The following CLDN16 variants were observed in gnomAD, a reference collection of about 807,000 sequenced individuals.
CLDN16 encodes claudin-16.
A neutral mutation model predicts 24.6 loss-of-function variants in CLDN16; 13 were observed. That is an observed-to-expected ratio of 0.53 (90% CI 0.34 to 0.84). The LOEUF (loss-of-function observed/expected upper bound fraction) is 0.84, where lower values mean the gene tolerates loss of function less well. Ranked by LOEUF, CLDN16 falls within the 40% of genes least tolerant of loss-of-function variation. The pLI is 0.01. For synonymous variants in CLDN16, 116 were observed against 106.7 expected (o/e 1.09, Z -0.54); for missense variants, 298 against 292.7 (o/e 1.02, Z -0.13).
chr3:190,388,593 A>G (rs1049006828), intron 1 of CLDN16, 150 bp downstream of exon 1: 23 of 746,300 alleles, frequency 3.1e-5, no homozygotes, highest in African/African-American at 2.9e-4. Context: ...TTACATTATT[A>G]GCTCATTTAA....
intron 2 of CLDN16, chr3:190,371,016 T>TTATATATATATATA (rs141854157): frequency 1.0e-2 from 138 of 13,812 alleles, no homozygotes; most frequent in East Asian, 0.062. Flanking sequence ...GTTAATACCT[T>TTATATATATATATA]TATATATATA....
At chr3:190,320,011 A>C (rs1046945508), upstream of CLDN16, among the ~76,000 whole-genome samples, 1 of 152,232 alleles carries the variant, frequency 6.6e-6, no homozygotes, top group Non-Finnish European at 1.5e-5. Flanking sequence ...GCTTTAAGTA[A>C]AATAAAAGTG....
intron 1 of CLDN16, among the ~76,000 whole-genome samples, chr3:190,369,766 A>G (rs1718096452): frequency 6.6e-6 from 1 of 151,954 alleles, no homozygotes; most frequent in Non-Finnish European, 1.5e-5. Context: ...TTTAGGGAAA[A>G]CAGTGACTCA....
chr3:190,320,729 C>T (rs1299581432), upstream of CLDN16, among the ~76,000 whole-genome samples: 1 of 152,154 alleles, frequency 6.6e-6, no homozygotes, highest in East Asian at 1.9e-4. Flanking sequence ...TAAACTTGAA[C>T]AATGCCAACA....
intron 1 of CLDN16, among the ~76,000 whole-genome samples, chr3:190,397,040 T>C (rs1433249138): frequency 6.6e-6 from 1 of 152,158 alleles, no homozygotes; most frequent in Non-Finnish European, 1.5e-5. Context: ...TTGCCAGTTG[T>C]TGCTTTGTGA....
intron 1 of CLDN16, among the ~76,000 whole-genome samples, chr3:190,398,457 T>A (rs1718874784): frequency 1.3e-5 from 2 of 152,200 alleles, no homozygotes; most frequent in South Asian, 4.1e-4. Flanking sequence ...CTTTCTTTTG[T>A]CTGTTTCTCT....
chr3:190,297,828 C>T, the CLDN16 span, among the ~76,000 whole-genome samples: 1 of 147,742 alleles, frequency 6.8e-6, no homozygotes, highest in Admixed American at 6.8e-5. Context: ...TTACAAAGGA[C>T]ATTCACATAT....
At chr3:190,365,029 C>T (rs982628465) in intron 1 of CLDN16, among the ~76,000 whole-genome samples, 2 of 151,896 alleles carry the variant, frequency 1.3e-5, no homozygotes, top group South Asian at 4.1e-4. Flanking sequence ...GGAATTTGCT[C>T]TCAGCCCCCT....
At chr3:190,392,639 A>G (rs1718709903) in intron 1 of CLDN16, among the ~76,000 whole-genome samples, 1 of 152,180 alleles carries the variant, frequency 6.6e-6, no homozygotes, top group African/African-American at 2.4e-5. Context: ...GCTACCCAAA[A>G]GAAGAGATAT....
At chr3:190,395,516 A>G (rs1388067388) in intron 1 of CLDN16, among the ~76,000 whole-genome samples, 1 of 152,042 alleles carries the variant, frequency 6.6e-6, no homozygotes, top group African/African-American at 2.4e-5. Context: ...AATGCATTTT[A>G]TGTTAAAATT....
chr3:190,330,037 T>TC lies in CLDN16; in HGVS notation n.121+7382dup, dbSNP rs201805758. ...TATTGTAGAAGAAATATCTCAACCGTCCCCCCTCCACCAGCATCACTTAAT... is the reference window on the plus strand; with the variant it reads ...TATTGTAGAAGAAATATCTCAACCGTCCCCCCCTCCACCAGCATCACTTAAT... On this transcript the variant is annotated intron_variant and non_coding_transcript_variant, in intron 1 of 4. Transcript: ENST00000468220. Among the ~76,000 whole-genome samples the TC allele has an allele frequency of 4.1e-3, 611 of 150,082 alleles. 5 individuals are homozygous for TC. Among genetic ancestry groups the TC allele is most frequent in the African/African-American group, 6.4e-3 (259 of 40,674 alleles).
intron 1 of CLDN16, among the ~76,000 whole-genome samples, chr3:190,395,716 G>A (rs1718802411): frequency 6.6e-6 from 1 of 152,140 alleles, no homozygotes; most frequent in African/African-American, 2.4e-5. Context: ...ATTTGTATAT[G>A]CAAGGTGGTT....
chr3:190,340,462 A>G (rs1193460031), intron 1 of CLDN16, among the ~76,000 whole-genome samples: 2 of 152,170 alleles, frequency 1.3e-5, no homozygotes, highest in Non-Finnish European at 2.9e-5. Flanking sequence ...TTTTAAAACC[A>G]TCAAATCTCA....
the CLDN16 span, among the ~76,000 whole-genome samples, chr3:190,301,366 G>A: frequency 0.12 from 17,874 of 151,928 alleles, 1,386 homozygotes; most frequent in East Asian, 0.42. Flanking sequence ...GTGGTGGCTT[G>A]TGCCTGTAGT....
chr3:190,383,554 C>T (rs926170742), upstream of CLDN16, among the ~76,000 whole-genome samples: 1 of 152,128 alleles, frequency 6.6e-6, no homozygotes, highest in Non-Finnish European at 1.5e-5. Context: ...GAAGCGGTAT[C>T]TTTGTGCTTT....
chr3:190,354,287 T>C (rs1717724072), intron 1 of CLDN16, among the ~76,000 whole-genome samples: 1 of 152,044 alleles, frequency 6.6e-6, no homozygotes, highest in African/African-American at 2.4e-5. Flanking sequence ...TCAACCACAG[T>C]TTCTTTGCAG....
At chr3:190,345,831 C>T (rs3846102) in intron 1 of CLDN16, among the ~76,000 whole-genome samples, 100,502 of 152,048 alleles carry the variant, frequency 0.66, 34,834 homozygotes, top group East Asian at 0.93. Flanking sequence ...ATCCATCTGT[C>T]CCCTCCTTTA....
chr3:190,364,593 G>A (rs1250041702), intron 1 of CLDN16, among the ~76,000 whole-genome samples: 1 of 151,872 alleles, frequency 6.6e-6, no homozygotes, highest in African/African-American at 2.4e-5. Flanking sequence ...TTGCTTTAGG[G>A]CCCTGGGGAT....
chr3:190,410,279 C>T lies in CLDN16; in HGVS notation c.*243C>T, dbSNP rs142380851. ...ACTTTCCCTATATTTTAAGATAAGT[C>T]TGCTAGGATGTAGAAATATTTGTTT... On this transcript the variant is annotated 3_prime_UTR_variant, in exon 5 of 5. Transcript: ENST00000264734. The T allele has an allele frequency of 7.9e-3, 3,942 of 497,036 alleles. 95 individuals are homozygous for T. The highest frequency in any genetic ancestry group is 0.052 in the South Asian group (2,256 of 43,142). 30.8% of individuals were successfully genotyped at this position (497,036 alleles called of 1,614,324 possible).
Sources: allele counts gnomAD v4.1 joint callset (sites outside exome capture counted in the v4.1 genomes callset), GRCh38; gene constraint gnomAD v4.1.1; transcripts MANE v1.5; gene names NCBI Gene and HGNC (gene_info 2026-07-23, HGNC 2026-07-21).